The following PLEKHO2 variants were observed in gnomAD, a reference collection of about 807,000 sequenced individuals.
The protein encoded by PLEKHO2 is pleckstrin homology domain-containing family O member 2.
PLEKHO2 carries 20 observed loss-of-function variants against 32.7 expected under a neutral mutation model. The observed-to-expected ratio is 0.61, with a 90% CI of 0.43 to 0.89. PLEKHO2 has a LOEUF of 0.89. Ranked by LOEUF, PLEKHO2 falls within the 40% of genes least tolerant of loss-of-function variation. The pLI is 0.00. For missense variants in PLEKHO2, 568 were observed against 621.2 expected, an observed-to-expected ratio of 0.91 and a Z score of 0.91; for synonymous variants, 247 against 246.3, an observed-to-expected ratio of 1.00 and a Z score of -0.03.
chr15:64,864,731 C>T (rs1190098750), intron 5 of PLEKHO2, among the ~76,000 whole-genome samples, 168 bp from the exon 6 acceptor site: 1 of 152,196 alleles, frequency 6.6e-6, no homozygotes, highest in Non-Finnish European at 1.5e-5. Flanking sequence ...ATCAAGAAAT[C>T]ACTTTAGCTT....
In PLEKHO2 at chr15:64,867,943, G is replaced by C. The variant is rs1417436719; in HGVS notation, c.*2055G>C. ...GCCTCCTTGAGGAGGGTGGCATTCT[G>C]TGTCTTCTGCTTATGAAGCGCCTTT... On this transcript the variant is annotated 3_prime_UTR_variant, in exon 6 of 6. Coordinates refer to ENST00000323544, the MANE Select transcript of PLEKHO2 (RefSeq NM_025201.5). 3 of 152,324 alleles carry C rather than the reference G, an allele frequency of 2.0e-5. No individual in the cohort carries two copies. Among genetic ancestry groups the C allele is most frequent in the Non-Finnish European group, 2.9e-5 (2 of 68,028 alleles). The allele number at this position is 152,324 out of a possible 1,614,324, so 9.4% of individuals were successfully genotyped here.
At position 64,865,056 on chromosome 15, in the gene PLEKHO2, A is replaced by G. The variant is rs1461151148; in HGVS notation, c.641A>G (p.Glu214Gly). 2.5e-6 allele frequency: 4 copies of G among 1,613,938 alleles called. No individual in the cohort carries two copies. The highest frequency in any genetic ancestry group is 3.4e-6 in the Non-Finnish European group (4 of 1,179,998). ...MPPTKPFLAPETTSPGDRVET... is the reference protein window; with the variant it reads ...MPPTKPFLAPGTTSPGDRVET... Reference sequence around the variant, plus strand: ...CCTACCAAGCCTTTCCTAGCACCTGAGACCACCAGCCCTGGTGACAGGGTG... The same window carrying G: ...CCTACCAAGCCTTTCCTAGCACCTGGGACCACCAGCCCTGGTGACAGGGTG... Residue 214 changes from glutamate (E) to glycine (G), a missense_variant, in exon 6 of 6, where the codon GAG becomes GGG. By Grantham distance (98) the Glu-to-Gly change is moderately conservative (BLOSUM62 -2). Transcript: ENST00000323544.
At position 64,866,149 on chromosome 15, in the gene PLEKHO2, C is replaced by A. The variant is rs574019035; in HGVS notation, c.*261C>A. ...CTGGGGCTGGGGCTGGGAGCACACA[C>A]GCTGGGACCTATGTGTTTGTGTGGT... On this transcript the variant is annotated 3_prime_UTR_variant, in exon 6 of 6. Coordinates refer to ENST00000323544, the MANE Select transcript of PLEKHO2 (RefSeq NM_025201.5). The A allele has an allele frequency of 5.3e-6, 3 of 569,844 alleles. No individual in the cohort carries two copies. The East Asian group carries it at 9.2e-5, about 18-fold the overall frequency. The allele number at this position is 569,844 out of a possible 1,614,324, so 35.3% of individuals were successfully genotyped here.
intron 2 of PLEKHO2, among the ~76,000 whole-genome samples, chr15:64,849,379 C>T (rs1160161479): frequency 6.6e-6 from 1 of 151,782 alleles, no homozygotes; most frequent in Non-Finnish European, 1.5e-5. Context: ...ATCTCTTGAC[C>T]TCGTGATCCA....
Position 64,848,063 on chromosome 15 carries a change from A to G in PLEKHO2, c.13-530A>G, listed in dbSNP as rs2084535941. Among the ~76,000 whole-genome samples the G allele has an allele frequency of 2.0e-5, 3 of 152,260 alleles. No homozygotes were observed. The South Asian group carries it at 6.2e-4, about 32-fold the overall frequency. On this transcript the variant is annotated intron_variant, in intron 1 of 5. Transcript: ENST00000323544. Reference sequence around the variant, plus strand: ...GGTATGCCTGGGTATTTATTTGTTCAGCTCCTATTTTCCCGCACTGTGAGC... The same window carrying G: ...GGTATGCCTGGGTATTTATTTGTTCGGCTCCTATTTTCCCGCACTGTGAGC...
At chr15:64,847,009 C>A (rs1257341352) in intron 1 of PLEKHO2, among the ~76,000 whole-genome samples, 1 of 152,224 alleles carries the variant, frequency 6.6e-6, no homozygotes, top group Non-Finnish European at 1.5e-5. Flanking sequence ...GGATTCCTTA[C>A]AACTTCTGCT....
chr15:64,851,423 A>G (rs1182666194), intron 2 of PLEKHO2, among the ~76,000 whole-genome samples: 3 of 152,210 alleles, frequency 2.0e-5, no homozygotes, highest in Non-Finnish European at 4.4e-5. Flanking sequence ...TCTCCCAAAC[A>G]TGAAAAATCT....
chr15:64,853,064 A>C (rs1399190747), intron 2 of PLEKHO2, among the ~76,000 whole-genome samples: 1 of 149,984 alleles, frequency 6.7e-6, no homozygotes, highest in African/African-American at 2.4e-5. Context: ...GCAGGTACCC[A>C]GGAGGCAGAG....
At chr15:64,855,822 G>T (rs1021114316) in intron 3 of PLEKHO2, among the ~76,000 whole-genome samples, 1 of 152,182 alleles carries the variant, frequency 6.6e-6, no homozygotes, top group South Asian at 2.1e-4. Flanking sequence ...GTGGAGCCTC[G>T]CAGAATAGGG....
At chr15:64,845,434 G>A (rs1000196867) in intron 1 of PLEKHO2, among the ~76,000 whole-genome samples, 7 of 151,984 alleles carry the variant, frequency 4.6e-5, no homozygotes, top group Non-Finnish European at 8.8e-5. Context: ...CCCTGCCAAG[G>A]GGAGGGGCCC....
In PLEKHO2 at chr15:64,864,955, T is replaced by A. The variant is rs139170770; in HGVS notation, c.540T>A (p.Ser180Arg). 3.1e-6 allele frequency: 5 copies of A among 1,614,078 alleles called. No individual in the cohort carries two copies. The highest frequency in any genetic ancestry group is 4.2e-6 in the Non-Finnish European group (5 of 1,180,006). Residue 180 changes from serine to arginine, a missense_variant, in exon 6 of 6, where the codon AGT becomes AGA. By Grantham distance (110) the Ser-to-Arg change is moderately radical. Coordinates refer to ENST00000323544, the MANE Select transcript of PLEKHO2 (RefSeq NM_025201.5). ...LLRLDLDVPDSGPPVFAPSNH... is the reference protein window; with the variant it reads ...LLRLDLDVPDRGPPVFAPSNH... ...GCCTGGATCTTGATGTTCCGGACAG[T>A]GGGCCACCAGTGTTTGCCCCCAGCA...
chr15:64,848,538 G>A (rs1410322347), intron 1 of PLEKHO2, 55 bp from the exon 2 acceptor site: 1 of 1,607,078 alleles, frequency 6.2e-7, no homozygotes, highest in African/African-American at 1.3e-5. Context: ...ATGAACCTGT[G>A]ACCTGTGACC....
chr15:64,866,273 C>A lies in PLEKHO2; in HGVS notation c.*385C>A, dbSNP rs1194274670. On this transcript the variant is annotated 3_prime_UTR_variant, in exon 6 of 6. Coordinates refer to ENST00000323544, the MANE Select transcript of PLEKHO2 (RefSeq NM_025201.5). Reference sequence around the variant, plus strand: ...CCCCAGTAGTTTACATTCCTGACTTCTGAATACAGCACAGCTGAGCCCCCT... The same window carrying A: ...CCCCAGTAGTTTACATTCCTGACTTATGAATACAGCACAGCTGAGCCCCCT... The A allele has an allele frequency of 8.7e-6, 4 of 461,934 alleles. No individual in the cohort carries two copies. The highest frequency in any genetic ancestry group is 1.7e-5 in the Non-Finnish European group (4 of 231,496). The allele number at this position is 461,934 out of a possible 1,614,324, so 28.6% of individuals were successfully genotyped here.
rs1178292770 is a variant in PLEKHO2, at chr15:64,841,962, G to C, written c.-55G>C. ...GGCCGGGCGTAGACGCGGTGGCAGAGCCCGCGCGGCGCTGGAAGCGAGTGG... is the reference window on the plus strand; with the variant it reads ...GGCCGGGCGTAGACGCGGTGGCAGACCCCGCGCGGCGCTGGAAGCGAGTGG... On this transcript the variant is annotated 5_prime_UTR_variant, in exon 1 of 6. Coordinates refer to ENST00000323544, the MANE Select transcript of PLEKHO2 (RefSeq NM_025201.5). The C allele has an allele frequency of 1.6e-6, 2 of 1,244,688 alleles. No individual in the cohort carries two copies. The highest frequency in any genetic ancestry group is 2.0e-6 in the Non-Finnish European group (2 of 994,468). The allele number at this position is 1,244,688 out of a possible 1,614,324, so 77.1% of individuals were successfully genotyped here. A position where few individuals can be genotyped will look rare whatever the true frequency, so the allele number is the denominator to read the frequency against.
chr15:64,859,424 A>G (rs2084628086), intron 3 of PLEKHO2, among the ~76,000 whole-genome samples: 1 of 151,480 alleles, frequency 6.6e-6, no homozygotes, highest in Non-Finnish European at 1.5e-5. Context: ...CCATGACCTC[A>G]CTCCTTCCTC....
chr15:64,863,519 T>TTGTG (rs147780306), intron 5 of PLEKHO2, among the ~76,000 whole-genome samples: 93 of 145,162 alleles, frequency 6.4e-4, no homozygotes, highest in East Asian at 3.6e-3. Flanking sequence ...GTGTGTGTGT[T>TTGTG]TGTGTGTGTG....
chr15:64,860,583 G>A (rs2084634571), intron 4 of PLEKHO2, among the ~76,000 whole-genome samples: 1 of 152,190 alleles, frequency 6.6e-6, no homozygotes, highest in Admixed American at 6.5e-5. Context: ...GGTTATTTGG[G>A]CTAAAATGGA....
In PLEKHO2 at chr15:64,867,530, CAT is replaced by C. The variant is rs2084698014; in HGVS notation, c.*1643_*1644del. 2 of 152,286 alleles carry C rather than the reference CAT, an allele frequency of 1.3e-5. No homozygotes were observed. Among genetic ancestry groups the C allele is most frequent in the South Asian group, 4.1e-4 (2 of 4,834 alleles). 9.4% of individuals were successfully genotyped at this position (152,286 alleles called of 1,614,324 possible). A position where few individuals can be genotyped will look rare whatever the true frequency, so the allele number is the denominator to read the frequency against. ...GCAAGAAGGACATCAGTTGCCCAGT[CAT>C]GTGATCCCCTGCCATCTTGCCTTAG... On this transcript the variant is annotated 3_prime_UTR_variant, in exon 6 of 6. Coordinates refer to ENST00000323544, the MANE Select transcript of PLEKHO2 (RefSeq NM_025201.5).
At chr15:64,854,014 C>T (rs546790964) in intron 2 of PLEKHO2, among the ~76,000 whole-genome samples, 1 of 152,326 alleles carries the variant, frequency 6.6e-6, no homozygotes, top group East Asian at 1.9e-4. Flanking sequence ...TCTGCTTCTG[C>T]TTCCCTGGAC....
Sources: gnomAD v4.1 joint callset for allele counts (sites outside exome capture counted in the v4.1 genomes callset) on GRCh38, gnomAD v4.1.1 for gene constraint, MANE v1.5 for transcripts, NCBI Gene and HGNC (gene_info 2026-07-23, HGNC 2026-07-21) for gene names.